Variants in COL4A2 observed in about 807,000 individuals in gnomAD.
COL4A2 encodes the protein collagen alpha-2(IV) chain.
COL4A2 carries 99 observed loss-of-function variants against 200.2 expected under a neutral mutation model. That is an observed-to-expected ratio of 0.49 (90% confidence interval 0.42 to 0.58). The LOEUF (loss-of-function observed/expected upper bound fraction) is 0.58, where lower values mean the gene tolerates loss of function less well. Ranked by LOEUF, COL4A2 falls within the 20% of genes least tolerant of loss-of-function variation. COL4A2 has a pLI of 0.00. For synonymous variants in COL4A2, 897 were observed against 900.6 expected (o/e 1.00, Z 0.07); for missense variants, 1,950 against 2,314.1 (o/e 0.84, Z 3.23).
At chr13:110,481,648 T>TCCGTGCTGTAGACACACTGTTCTGTCCC (rs1882926449) in intron 31 of COL4A2, among the ~76,000 whole-genome samples, 1 of 12,028 alleles carries the variant, frequency 8.3e-5, no homozygotes, top group Non-Finnish European at 1.6e-4. Context: ...TGTTCTGTCC[T>TCCGTGCTGTAGACACACTGTTCTGTCCC]TCCGTTGCTG....
In COL4A2 at chr13:110,508,069, C is replaced by G. The variant is rs1883949863; in HGVS notation, c.4729C>G (p.Pro1577Ala). 1 of 1,614,254 alleles carries G rather than the reference C, an allele frequency of 6.2e-7. No individual in the cohort carries two copies. The highest frequency in any genetic ancestry group is 8.5e-7 in the Non-Finnish European group (1 of 1,180,052). ...LSTTAPLPMM[P>A]VAEDEIKPYI... ...TACCACTGCGCCGCTGCCCATGATGCCCGTGGCCGAGGACGAGATCAAGCC... is the reference window on the plus strand; with the variant it reads ...TACCACTGCGCCGCTGCCCATGATGGCCGTGGCCGAGGACGAGATCAAGCC... Residue 1577 changes from proline (P) to alanine (A), a missense_variant, in exon 47 of 48, where the codon CCC (proline) becomes GCC (alanine). Pro to Ala is a conservative substitution (Grantham distance 27). This residue lies in a region of COL4A2 where 1,385 missense variants were observed against 1,720.5 expected (regional missense o/e 0.80). Coordinates refer to ENST00000360467, the MANE Select transcript of COL4A2 (RefSeq NM_001846.4). This position sits in a 1 kb window ranked among gnomAD's most constrained non-coding sequence, Gnocchi z 6.1.
At chr13:110,336,498 G>A (rs1876198922) in intron 3 of COL4A2, among the ~76,000 whole-genome samples, 1 of 152,184 alleles carries the variant, frequency 6.6e-6, no homozygotes, top group African/African-American at 2.4e-5. Context: ...GCCCAGGGCT[G>A]GGCTTTCTTT....
intron 3 of COL4A2, among the ~76,000 whole-genome samples, chr13:110,323,035 C>T (rs1885316138): frequency 6.6e-6 from 1 of 152,216 alleles, no homozygotes; most frequent in African/African-American, 2.4e-5. Flanking sequence ...ACCCCCAATA[C>T]CAGCTGTTAC....
At chr13:110,422,197 A>G (rs956236367) in intron 4 of COL4A2, among the ~76,000 whole-genome samples, 3 of 152,232 alleles carry the variant, frequency 2.0e-5, no homozygotes, top group African/African-American at 7.2e-5. Context: ...GCTTCGTGGC[A>G]TGGTATGTAA....
chr13:110,447,864 A>T (rs1881390233), intron 18 of COL4A2, among the ~76,000 whole-genome samples: 3 of 152,176 alleles, frequency 2.0e-5, no homozygotes, highest in Admixed American at 1.3e-4. Context: ...CTGTCCTCTA[A>T]GCCTAGGTGT....
chr13:110,410,214 C>T (rs779742911), intron 4 of COL4A2, among the ~76,000 whole-genome samples: 57 of 152,364 alleles, frequency 3.7e-4, no homozygotes, highest in Middle Eastern at 6.8e-3. Context: ...AGCCAGGCTG[C>T]TCAGCCACTC....
chr13:110,393,184 G>T (rs1047053794), intron 4 of COL4A2, among the ~76,000 whole-genome samples: 1 of 152,198 alleles, frequency 6.6e-6, no homozygotes, highest in Non-Finnish European at 1.5e-5. Context: ...TTCATCTCAT[G>T]TGCTTTTCTT....
At chr13:110,485,967 G>C (rs760819298) in intron 34 of COL4A2, 131 bp downstream of exon 34, 6 of 1,422,752 alleles carry the variant, frequency 4.2e-6, no homozygotes, top group East Asian at 2.5e-5. Flanking sequence ...CTCAGGCTTG[G>C]TGGGGTCCAC....
At chr13:110,309,063 C>G (rs1024340370) in intron 3 of COL4A2, among the ~76,000 whole-genome samples, 14 of 152,326 alleles carry the variant, frequency 9.2e-5, no homozygotes, top group African/African-American at 2.2e-4. Flanking sequence ...TCAGCGCGCA[C>G]TGTGCCAGAG....
intron 3 of COL4A2, among the ~76,000 whole-genome samples, chr13:110,337,817 A>G (rs1246131204): frequency 6.6e-6 from 1 of 152,248 alleles, no homozygotes; most frequent in African/African-American, 2.4e-5. Flanking sequence ...TGGGAAAAGC[A>G]CTTTTTAACT....
At chr13:110,406,848 A>T (rs1213879157) in intron 4 of COL4A2, among the ~76,000 whole-genome samples, 4 of 152,070 alleles carry the variant, frequency 2.6e-5, no homozygotes, top group African/African-American at 9.7e-5. Context: ...TCCTTTGGTG[A>T]TTACTAAACA....
chr13:110,470,660 C>T (rs906364839), intron 28 of COL4A2, among the ~76,000 whole-genome samples: 2 of 152,184 alleles, frequency 1.3e-5, no homozygotes, highest in African/African-American at 4.8e-5. Flanking sequence ...AAAGCGCTCC[C>T]CATGTCTGGA....
chr13:110,456,686 C>G, intron 20 of COL4A2: 1 of 446,450 alleles, frequency 2.2e-6, no homozygotes, highest in Non-Finnish European at 4.6e-6. Flanking sequence ...GGCTGAAAGC[C>G]ACCCTGGGCT....
Position 110,508,450 on chromosome 13 carries a change from A to G in COL4A2, c.4881+229A>G, listed in dbSNP as rs1883964498. ...CCCAGAAAGGGCTCATTAATTTGCC[A>G]CCAGGCCTTTGTAAGGAGTGTAACC... On this transcript the variant is annotated intron_variant, in intron 47 of 47. Coordinates refer to ENST00000360467, the MANE Select transcript of COL4A2 (RefSeq NM_001846.4). This position sits in a 1 kb window ranked among gnomAD's most constrained non-coding sequence, Gnocchi z 6.1. 3 of 680,070 alleles carry G rather than the reference A, an allele frequency of 4.4e-6. No individual in the cohort carries two copies. The Admixed American group carries it at 8.9e-5, about 20-fold the overall frequency. 42.1% of individuals were successfully genotyped at this position (680,070 alleles called of 1,614,324 possible).
intron 16 of COL4A2, among the ~76,000 whole-genome samples, chr13:110,441,139 T>TA (rs1555329047): frequency 6.6e-6 from 1 of 152,164 alleles, no homozygotes; most frequent in Non-Finnish European, 1.5e-5. Flanking sequence ...TGCACAGAGA[T>TA]AGAGTTTTAT....
intron 4 of COL4A2, among the ~76,000 whole-genome samples, chr13:110,403,034 A>C (rs1423707273): frequency 1.3e-5 from 2 of 152,184 alleles, no homozygotes; most frequent in Non-Finnish European, 2.9e-5. Context: ...TTCTGGCCCC[A>C]GGGTCCTGGC....
chr13:110,507,803 C>T lies in COL4A2; in HGVS notation c.4595-132C>T. The T allele has an allele frequency of 2.3e-6, 2 of 860,446 alleles. 1 individual carries two copies. The highest frequency in any genetic ancestry group is 3.2e-5 in the South Asian group (2 of 62,676). 53.3% of individuals were successfully genotyped at this position (860,446 alleles called of 1,614,324 possible). The stretch of plus-strand genomic sequence containing the variant: ...ATTGGGAAGCCTTAGCCTGGCCCTC[C>T]AGTAGGTGGCTAAACTCCACCAGGT... On this transcript the variant is annotated intron_variant, in intron 46 of 47. Transcript: ENST00000360467.
intron 12 of COL4A2, 154 bp from the exon 13 acceptor site, chr13:110,436,115 C>T (rs996537156): frequency 1.8e-5 from 20 of 1,121,584 alleles, no homozygotes; most frequent in Non-Finnish European, 2.4e-5. Flanking sequence ...TAGGATTACT[C>T]TATTTTGTGG....
At chr13:110,457,019 TGATG>T (rs1881774467) in intron 20 of COL4A2, 1 of 314,270 alleles carries the variant, frequency 3.2e-6, no homozygotes, top group African/African-American at 6.2e-5. Context: ...TCCGTGGGGC[TGATG>T]CCCTGCGTCT....
Sources: gnomAD v4.1 joint callset for allele counts (sites outside exome capture counted in the v4.1 genomes callset) on GRCh38, gnomAD v4.1.1 for gene constraint, gnomAD v4.1.1 regional missense constraint, Gnocchi (gnomAD v3.1) non-coding constraint, MANE v1.5 for transcripts, NCBI Gene and HGNC (gene_info 2026-07-23, HGNC 2026-07-21) for gene names.